Variants in NOS1AP observed in about 807,000 individuals in gnomAD.
The protein encoded by NOS1AP is nitric oxide synthase 1 adaptor protein.
A neutral mutation model predicts 56.2 loss-of-function variants in NOS1AP; 21 were observed. The ratio of observed to expected loss-of-function variants is 0.37; its 90% CI spans 0.26 to 0.54. The LOEUF (loss-of-function observed/expected upper bound fraction) is 0.54, where lower values mean the gene tolerates loss of function less well. Among genes scored for constraint, NOS1AP ranks in the 20% least tolerant of loss-of-function variants. The pLI, the probability that NOS1AP is intolerant of heterozygous loss-of-function variation, is 0.84. For missense variants in NOS1AP, 522 were observed against 657.8 expected, an observed-to-expected ratio of 0.79 and a Z score of 2.26; for synonymous variants, 270 against 274.6, an observed-to-expected ratio of 0.98 and a Z score of 0.17.
chr1:162,282,895 T>C (rs1300921567), intron 2 of NOS1AP, among the ~76,000 whole-genome samples: 1 of 152,190 alleles, frequency 6.6e-6, no homozygotes, highest in Non-Finnish European at 1.5e-5. Flanking sequence ...AAGCAGGTCT[T>C]GGCTGACATC....
chr1:162,321,622 G>A (rs1037875863), intron 4 of NOS1AP, among the ~76,000 whole-genome samples: 7 of 151,492 alleles, frequency 4.6e-5, no homozygotes, highest in Admixed American at 6.6e-5. Context: ...TAATGTAAAT[G>A]ACGAGTTCAT....
chr1:162,293,245 C>T (rs552392015), intron 3 of NOS1AP, among the ~76,000 whole-genome samples: 2 of 146,000 alleles, frequency 1.4e-5, no homozygotes, highest in South Asian at 2.1e-4. Context: ...TTTGAGTCAC[C>T]GCTGCTATTA....
rs576900951 is a variant in NOS1AP, at chr1:162,358,294, C to T, written c.939+1158C>T. ...TCCGGCGTCCTGGCCATAACAGGAT[C>T]TGCTATGACTCAGGGTTTGAAGAAG... On this transcript the variant is annotated intron_variant, in intron 8 of 9. Transcript: ENST00000361897. Among the ~76,000 whole-genome samples, 4 of 152,306 alleles carry T rather than the reference C, an allele frequency of 2.6e-5. No homozygotes were observed. The South Asian group carries it at 8.3e-4, about 32-fold the overall frequency.
intron 2 of NOS1AP, among the ~76,000 whole-genome samples, chr1:162,216,566 T>C (rs924497911): frequency 3.9e-5 from 6 of 152,246 alleles, no homozygotes; most frequent in Non-Finnish European, 8.8e-5. Context: ...TCGCTGAACC[T>C]CTATGCTTTG....
At chr1:162,250,510 T>C (rs1174753091) in intron 2 of NOS1AP, among the ~76,000 whole-genome samples, 3 of 151,966 alleles carry the variant, frequency 2.0e-5, no homozygotes, top group Non-Finnish European at 1.5e-5. Context: ...TACATCTCCA[T>C]TTAAGGGGCA....
intron 3 of NOS1AP, among the ~76,000 whole-genome samples, chr1:162,288,848 G>A (rs1655169413): frequency 1.3e-5 from 2 of 152,160 alleles, no homozygotes; most frequent in African/African-American, 4.8e-5. Context: ...CTGTGTGCAT[G>A]GGCCCCATCT....
chr1:162,306,971 A>G (rs1655854013), intron 4 of NOS1AP, among the ~76,000 whole-genome samples: 1 of 152,206 alleles, frequency 6.6e-6, no homozygotes, highest in African/African-American at 2.4e-5. Flanking sequence ...CTCAAAAAAA[A>G]AAAAAATAGT....
At chr1:162,161,884 C>A (rs1650240388) in intron 2 of NOS1AP, among the ~76,000 whole-genome samples, 1 of 152,202 alleles carries the variant, frequency 6.6e-6, no homozygotes, top group Admixed American at 6.5e-5. Context: ...TAAGCACCTG[C>A]TAAATGTTAG....
intron 3 of NOS1AP, among the ~76,000 whole-genome samples, chr1:162,291,012 T>C (rs1472879797): frequency 1.5e-5 from 2 of 137,372 alleles, no homozygotes; most frequent in Non-Finnish European, 1.6e-5. Context: ...TCTTTGAGAA[T>C]CTACTGGACT....
At chr1:162,308,169 G>A (rs987635314) in intron 4 of NOS1AP, among the ~76,000 whole-genome samples, 1 of 152,248 alleles carries the variant, frequency 6.6e-6, no homozygotes, top group Non-Finnish European at 1.5e-5. Flanking sequence ...ATGCCCTTTA[G>A]ACATTAATGT....
chr1:162,354,692 A>G (rs984638123), intron 6 of NOS1AP, among the ~76,000 whole-genome samples: 2 of 152,216 alleles, frequency 1.3e-5, no homozygotes, highest in African/African-American at 4.8e-5. Flanking sequence ...CTTATTCCTC[A>G]GTCATGGAAC....
chr1:162,183,291 A>G (rs1651323892), intron 2 of NOS1AP, among the ~76,000 whole-genome samples: 1 of 152,208 alleles, frequency 6.6e-6, no homozygotes, highest in Admixed American at 6.5e-5. Flanking sequence ...TCAGTAAACC[A>G]TGCTGTAAAG....
chr1:162,074,057 A>C (rs761595093), intron 1 of NOS1AP, among the ~76,000 whole-genome samples: 2 of 152,198 alleles, frequency 1.3e-5, no homozygotes, highest in Non-Finnish European at 2.9e-5. Context: ...GTTATATCTT[A>C]TATCTGTAGG....
At chr1:162,344,561 A>T (rs1356023108) in intron 6 of NOS1AP, among the ~76,000 whole-genome samples, 2 of 152,132 alleles carry the variant, frequency 1.3e-5, no homozygotes, top group African/African-American at 4.8e-5. Flanking sequence ...AAATACAAAA[A>T]TTAGCCAGGC....
chr1:162,350,471 A>G (rs949590778), intron 6 of NOS1AP, among the ~76,000 whole-genome samples: 1 of 152,180 alleles, frequency 6.6e-6, no homozygotes, highest in African/African-American at 2.4e-5. Context: ...AGGTGGAGCC[A>G]CTGCCCCTGT....
chr1:162,273,250 G>C (rs1318237483), intron 2 of NOS1AP, among the ~76,000 whole-genome samples: 1 of 138,334 alleles, frequency 7.2e-6, no homozygotes, highest in Non-Finnish European at 1.5e-5. Flanking sequence ...TGCAAGCTCC[G>C]CCTCCCGGGT....
At chr1:162,130,109 C>G (rs912106811) in intron 1 of NOS1AP, among the ~76,000 whole-genome samples, 2 of 152,152 alleles carry the variant, frequency 1.3e-5, no homozygotes, top group African/African-American at 4.8e-5. Context: ...CATTGAGCTT[C>G]TGTTCAATGT....
intron 2 of NOS1AP, among the ~76,000 whole-genome samples, chr1:162,226,740 G>T (rs3923368): frequency 0.54 from 81,906 of 152,082 alleles, 23,066 homozygotes; most frequent in Non-Finnish European, 0.64. Context: ...TAGGCTGTAT[G>T]TCTTCCTAAG....
intron 2 of NOS1AP, among the ~76,000 whole-genome samples, chr1:162,154,822 T>G (rs376646882): frequency 2.0e-5 from 3 of 152,102 alleles, no homozygotes; most frequent in African/African-American, 7.2e-5. Context: ...AGTAATGATC[T>G]GGTAATTGAC....
Sources: gnomAD v4.1 joint callset for allele counts (sites outside exome capture counted in the v4.1 genomes callset) on GRCh38, gnomAD v4.1.1 for gene constraint, MANE v1.5 for transcripts, NCBI Gene and HGNC (gene_info 2026-07-23, HGNC 2026-07-21) for gene names.